The following CDKL3 variants were observed in gnomAD, a reference collection of about 807,000 sequenced individuals.
The protein encoded by CDKL3 is cyclin-dependent kinase-like 3.
CDKL3 carries 65 observed loss-of-function variants against 69.3 expected under a neutral mutation model. The ratio of observed to expected loss-of-function variants is 0.94; its 90% CI spans 0.77 to 1.15. The LOEUF is 1.15. CDKL3 is among the 50% of genes most tolerant of loss of function. The probability of loss-of-function intolerance (pLI) is 0.00; values close to 1 mark genes in which losing one functional copy is unlikely to be tolerated. For synonymous variants in CDKL3, 202 were observed against 221.6 expected, an observed-to-expected ratio of 0.91 and a Z score of 0.79; for missense variants, 652 against 689.2, an observed-to-expected ratio of 0.95 and a Z score of 0.61.
intron 10 of CDKL3, 85 bp from the exon 11 acceptor site, chr5:134,304,652 G>A: frequency 9.8e-7 from 1 of 1,016,700 alleles, no homozygotes; most frequent in Non-Finnish European, 1.4e-6. Flanking sequence ...CCATTTGGAT[G>A]GTATAAGATA....
intron 4 of CDKL3, among the ~76,000 whole-genome samples, chr5:134,349,428 T>C (rs1201847831): frequency 6.6e-6 from 1 of 152,168 alleles, no homozygotes; most frequent in Admixed American, 6.6e-5. Context: ...TAGCTGGGAC[T>C]ACAGGCGCAT....
intron 4 of CDKL3, among the ~76,000 whole-genome samples, chr5:134,329,664 T>G (rs1775288268): frequency 1.3e-5 from 2 of 151,504 alleles, no homozygotes; most frequent in Admixed American, 1.3e-4. Context: ...AGAGAGGGGG[T>G]TTCACCATGT....
intron 10 of CDKL3, among the ~76,000 whole-genome samples, chr5:134,304,832 A>ATATTAT (rs143426655): frequency 2.0e-5 from 3 of 146,386 alleles, no homozygotes; most frequent in African/African-American, 7.5e-5. Flanking sequence ...AATAATAATA[A>ATATTAT]TATTATTATT....
At chr5:134,299,663 C>A (rs1417161123) in intron 12 of CDKL3, 1 of 1,526,446 alleles carries the variant, frequency 6.6e-7, no homozygotes, top group Non-Finnish European at 8.8e-7. Context: ...TACAGTGATT[C>A]TGGGATTCCC....
intron 6 of CDKL3, among the ~76,000 whole-genome samples, chr5:134,317,435 C>T (rs925263542): frequency 6.6e-6 from 1 of 151,422 alleles, no homozygotes; most frequent in Non-Finnish European, 1.5e-5. Context: ...ATTATAGGCA[C>T]GAGCCACTGC....
intron 10 of CDKL3, 143 bp downstream of exon 10, chr5:134,306,466 C>T: frequency 1.7e-6 from 1 of 582,882 alleles, no homozygotes; most frequent in South Asian, 2.0e-5. Flanking sequence ...CACTGCACTC[C>T]AGTCTGGGCA....
downstream of CDKL3, among the ~76,000 whole-genome samples, chr5:134,295,011 CTTTTTTTTTTT>C (rs869256167): frequency 5.0e-5 from 5 of 100,422 alleles, no homozygotes; most frequent in African/African-American, 1.5e-4. Context: ...ATTTTTTTTT[CTTTTTTTTTTT>C]TTTTTTTTTT....
chr5:134,302,617 G>A lies in CDKL3; in HGVS notation c.1692C>T (p.Asn564=), dbSNP rs776861447. The A allele has an allele frequency of 5.0e-6, 8 of 1,593,248 alleles. No homozygotes were observed. The highest frequency in any genetic ancestry group is 1.7e-5 in the Admixed American group (1 of 58,474). Residue 564 remains asparagine (N), a synonymous_variant, in exon 12 of 13, where the codon AAC becomes AAT. Coordinates refer to ENST00000265334, the MANE Select transcript of CDKL3 (RefSeq NM_001113575.2). ...TESSKIPTLL[N]VDQNQEKQEG... ...CTTGTTTTTCTTGATTTTGATCCACGTTAAGTAAAGTTGGTATCTTAGATG... is the reference window on the plus strand; with the variant it reads ...CTTGTTTTTCTTGATTTTGATCCACATTAAGTAAAGTTGGTATCTTAGATG...
chr5:134,363,260 G>C (rs745437971), intron 2 of CDKL3, among the ~76,000 whole-genome samples: 14 of 151,958 alleles, frequency 9.2e-5, no homozygotes, highest in Non-Finnish European at 1.8e-4. Flanking sequence ...CATCTTTACT[G>C]ACTCACTTTT....
In CDKL3 at chr5:134,350,246, T is replaced by C; in HGVS notation, c.539+3A>G. The C allele has an allele frequency of 6.4e-7, 1 of 1,550,470 alleles. No individual in the cohort carries two copies. Among genetic ancestry groups the C allele is most frequent in the Non-Finnish European group, 8.7e-7 (1 of 1,149,790 alleles). On this transcript the variant is annotated splice_donor_region_variant and intron_variant, in intron 4 of 12. Transcript: ENST00000265334. ...GGCTGACAGGATCCCAAAATACACATACTTTCCATAAGAAGTATCTTTTAA... is the reference window on the plus strand; with the variant it reads ...GGCTGACAGGATCCCAAAATACACACACTTTCCATAAGAAGTATCTTTTAA...
intron 2 of CDKL3, among the ~76,000 whole-genome samples, chr5:134,362,154 A>G (rs926495167): frequency 7.2e-5 from 11 of 152,200 alleles, no homozygotes; most frequent in Non-Finnish European, 1.5e-4. Context: ...TTTCTCCATT[A>G]CTAGACAACT....
At chr5:134,305,252 C>A (rs1468369667) in intron 10 of CDKL3, among the ~76,000 whole-genome samples, 1 of 151,964 alleles carries the variant, frequency 6.6e-6, no homozygotes, top group Admixed American at 6.6e-5. Context: ...GAAACCACAG[C>A]CACATGCCAC....
intron 6 of CDKL3, among the ~76,000 whole-genome samples, chr5:134,313,836 CT>C (rs936555317): frequency 6.6e-6 from 1 of 151,942 alleles, no homozygotes; most frequent in Admixed American, 6.6e-5. Context: ...ATACCTAGGT[CT>C]TTAAGACTGC....
intron 4 of CDKL3, among the ~76,000 whole-genome samples, chr5:134,324,670 C>A (rs1410074067): frequency 6.6e-6 from 1 of 152,032 alleles, no homozygotes; most frequent in Non-Finnish European, 1.5e-5. Flanking sequence ...GTAAAAAGAC[C>A]AATGATTGCC....
Position 134,329,704 on chromosome 5 carries a change from C to T in CDKL3, c.540-7801G>A, listed in dbSNP as rs570630943. On this transcript the variant is annotated intron_variant, in intron 4 of 12. Transcript: ENST00000265334. Reference sequence around the variant, plus strand: ...CAGGGTGGTCTCCATCTCCTGACCTCGTGATCCACCCACCTCGGCCTCCCA... The same window carrying T: ...CAGGGTGGTCTCCATCTCCTGACCTTGTGATCCACCCACCTCGGCCTCCCA... 6.6e-4 allele frequency among the ~76,000 whole-genome samples: 100 copies of T among 152,094 alleles called. 3 individuals carry two copies. In the South Asian group the frequency reaches 0.02, roughly 30 times the overall value.
intron 4 of CDKL3, among the ~76,000 whole-genome samples, chr5:134,347,003 C>T (rs1034177132): frequency 5.3e-5 from 8 of 151,724 alleles, no homozygotes; most frequent in Admixed American, 5.3e-4. Flanking sequence ...CATTAGGTAA[C>T]CAAATAAGGG....
chr5:134,344,906 CA>C (rs908810468), intron 4 of CDKL3, among the ~76,000 whole-genome samples: 13 of 150,394 alleles, frequency 8.6e-5, no homozygotes, highest in Non-Finnish European at 1.3e-4. Context: ...TACAAAAATA[CA>C]AAAAAAAATT....
chr5:134,305,954 T>C, intron 10 of CDKL3, among the ~76,000 whole-genome samples: 1 of 152,202 alleles, frequency 6.6e-6, no homozygotes, highest in East Asian at 1.9e-4. Context: ...GGCAATTGTT[T>C]TTAATCCATA....
At chr5:134,370,620 G>A (rs1265102726), upstream of CDKL3, among the ~76,000 whole-genome samples, 1 of 152,174 alleles carries the variant, frequency 6.6e-6, no homozygotes, top group African/African-American at 2.4e-5. Flanking sequence ...AGCAGACCCA[G>A]AAAGGAAAAA....
Sources: allele counts gnomAD v4.1 joint callset (sites outside exome capture counted in the v4.1 genomes callset), GRCh38; gene constraint gnomAD v4.1.1; transcripts MANE v1.5; gene names NCBI Gene and HGNC (gene_info 2026-07-23, HGNC 2026-07-21).